The following RYK variants were observed in gnomAD, a reference collection of about 807,000 sequenced individuals.
The protein encoded by RYK is inactive tyrosine-protein kinase RYK.
A neutral mutation model predicts 70.2 loss-of-function variants in RYK; 21 were observed. That is an observed-to-expected ratio of 0.30 (90% CI 0.21 to 0.43). The LOEUF (loss-of-function observed/expected upper bound fraction) is 0.43, where lower values mean the gene tolerates loss of function less well. Ranked by LOEUF, RYK falls within the 20% of genes least tolerant of loss-of-function variation. The probability of loss-of-function intolerance (pLI) is 1.00; values close to 1 mark genes in which losing one functional copy is unlikely to be tolerated. For synonymous variants in RYK, 267 were observed against 278.0 expected, an observed-to-expected ratio of 0.96 and a Z score of 0.39; for missense variants, 604 against 753.3, an observed-to-expected ratio of 0.80 and a Z score of 2.32.
At chr3:134,244,577 G>A (rs1576539964) in intron 1 of RYK, among the ~76,000 whole-genome samples, 1 of 152,130 alleles carries the variant, frequency 6.6e-6, no homozygotes, top group African/African-American at 2.4e-5. Context: ...TGTTATGCAA[G>A]TAACAGGCTT....
chr3:134,177,445 G>A (rs2013144510), intron 11 of RYK, among the ~76,000 whole-genome samples: 3 of 152,116 alleles, frequency 2.0e-5, no homozygotes, highest in Admixed American at 2.0e-4. Flanking sequence ...TCTGACCTTT[G>A]CTTTACAGTT....
At chr3:134,159,489 G>A (rs1021096971) in intron 13 of RYK, 116 bp from the exon 14 acceptor site, 19 of 987,618 alleles carry the variant, frequency 1.9e-5, no homozygotes, top group Admixed American at 9.8e-5. Flanking sequence ...TTGGAAAAGC[G>A]AAATGTTATT....
At chr3:134,162,394 C>T (rs1390273175) in intron 13 of RYK, among the ~76,000 whole-genome samples, 1 of 152,034 alleles carries the variant, frequency 6.6e-6, no homozygotes, top group African/African-American at 2.4e-5. Context: ...CTTTTGGAAC[C>T]TATTATCTTT....
chr3:134,191,587 C>A (rs1189143393), intron 8 of RYK, among the ~76,000 whole-genome samples: 4 of 152,166 alleles, frequency 2.6e-5, no homozygotes, highest in Non-Finnish European at 4.4e-5. Context: ...AAAAACCAAA[C>A]AGAGAATACA....
intron 2 of RYK, among the ~76,000 whole-genome samples, chr3:134,215,405 GGAATAT>G (rs1299287557): frequency 6.6e-6 from 1 of 152,216 alleles, no homozygotes; most frequent in Non-Finnish European, 1.5e-5. Flanking sequence ...GCAGCTTAGA[GGAATAT>G]GAAGCATGAA....
chr3:134,207,867 A>C (rs992315050), intron 4 of RYK, among the ~76,000 whole-genome samples: 1 of 152,238 alleles, frequency 6.6e-6, no homozygotes, highest in Non-Finnish European at 1.5e-5. Flanking sequence ...TGTCTAACCC[A>C]TAATTCCCAT....
chr3:134,184,303 T>A (rs996681924), intron 9 of RYK, among the ~76,000 whole-genome samples: 4 of 152,192 alleles, frequency 2.6e-5, no homozygotes, highest in African/African-American at 9.7e-5. Flanking sequence ...AACAAAAACA[T>A]GATAATGCAA....
At chr3:134,160,270 G>C (rs765649250) in intron 13 of RYK, among the ~76,000 whole-genome samples, 1 of 152,022 alleles carries the variant, frequency 6.6e-6, no homozygotes, top group Non-Finnish European at 1.5e-5. Context: ...AATTTTACAG[G>C]TGAGAAAACT....
intron 13 of RYK, among the ~76,000 whole-genome samples, chr3:134,174,175 A>G (rs558529321): frequency 6.6e-6 from 1 of 152,328 alleles, no homozygotes; most frequent in East Asian, 1.9e-4. Context: ...CAGAGCTGAA[A>G]GAGGCAAGGA....
rs1377203966 is a variant in RYK, at chr3:134,222,595, C to T, written c.233-56G>A. On this transcript the variant is annotated intron_variant, in intron 1 of 14. Coordinates refer to ENST00000623711, the MANE Select transcript of RYK (RefSeq NM_002958.4). ...CACTTAAAATATTCTCAAAATCATC[C>T]CTATCAGTATTTCAAATACAAATAG... is the stretch of plus-strand genomic sequence containing the variant. The T allele has an allele frequency of 3.7e-6, 5 of 1,359,530 alleles. No individual in the cohort carries two copies. In the South Asian group the frequency reaches 5.2e-5, roughly 14 times the overall value. The allele number at this position is 1,359,530 out of a possible 1,614,324, so 84.2% of individuals were successfully genotyped here. A position where few individuals can be genotyped will look rare whatever the true frequency, so the allele number is the denominator to read the frequency against.
chr3:134,167,643 A>C lies in RYK; in HGVS notation c.1575+7966T>G, dbSNP rs556467960. Among the ~76,000 whole-genome samples the C allele has an allele frequency of 5.9e-5, 9 of 152,348 alleles. No homozygotes were observed. The South Asian group carries it at 1.9e-3, about 32-fold the overall frequency. ...TTAATTCAAGATGGATTAAAGACTT[A>C]AATGTCAGACCTAAAACCATAAAAA... On this transcript the variant is annotated intron_variant, in intron 13 of 14. Coordinates refer to ENST00000623711, the MANE Select transcript of RYK (RefSeq NM_002958.4).
chr3:134,223,573 AGGAG>A (rs1291589738), intron 1 of RYK, among the ~76,000 whole-genome samples: 2 of 151,786 alleles, frequency 1.3e-5, no homozygotes, highest in Non-Finnish European at 2.9e-5. Context: ...ATAAAAAGGG[AGGAG>A]GGAGGTATAA....
At chr3:134,166,572 T>C (rs562453619) in intron 13 of RYK, among the ~76,000 whole-genome samples, 5 of 152,314 alleles carry the variant, frequency 3.3e-5, no homozygotes, top group Admixed American at 6.5e-5. Flanking sequence ...GGAGCCAACA[T>C]TGGATGCTAA....
Position 134,159,317 on chromosome 3 carries a change from C to T in RYK, c.1632G>A (p.Val544=). The T allele has an allele frequency of 6.2e-7, 1 of 1,613,846 alleles. No homozygotes were observed. The change falls in exon 14 of 15, where the codon GTG becomes GTA. Residue 544 remains valine, a synonymous_variant. Coordinates refer to ENST00000623711, the MANE Select transcript of RYK (RefSeq NM_002958.4). ...CGGCCATCTCGAAGGGGTCAATGTC[C>T]ACGTAGGGAGTCTGGCCCAGAGTCA... The part of the protein sequence containing the change: ...ELMTLGQTPY[V]DIDPFEMAAY...
At chr3:134,191,648 A>G (rs12487646) in intron 8 of RYK, among the ~76,000 whole-genome samples, 14,423 of 152,276 alleles carry the variant, frequency 0.095, 1,237 homozygotes, top group South Asian at 0.33. Flanking sequence ...CTTGAAAATC[A>G]AGAACTGCAC....
At chr3:134,231,673 C>T (rs1159646127) in intron 1 of RYK, among the ~76,000 whole-genome samples, 1 of 152,150 alleles carries the variant, frequency 6.6e-6, no homozygotes, top group Admixed American at 6.5e-5. Context: ...TTCGGAAGTA[C>T]AACTTTCCCC....
At chr3:134,161,550 C>A (rs2012471675) in intron 13 of RYK, among the ~76,000 whole-genome samples, 2 of 152,112 alleles carry the variant, frequency 1.3e-5, no homozygotes, top group African/African-American at 4.8e-5. Flanking sequence ...TTAGACTGAA[C>A]AACAACAAAA....
intron 13 of RYK, among the ~76,000 whole-genome samples, chr3:134,168,975 G>A (rs2012795156): frequency 6.6e-6 from 1 of 152,114 alleles, no homozygotes; most frequent in Non-Finnish European, 1.5e-5. Context: ...ACGTAGCAAT[G>A]TGCTGCAGAT....
chr3:134,212,080 G>A (rs1050359012), intron 2 of RYK, among the ~76,000 whole-genome samples: 3 of 152,218 alleles, frequency 2.0e-5, no homozygotes, highest in Non-Finnish European at 4.4e-5. Flanking sequence ...AGATTCCAAG[G>A]TAGATTTCTC....
Sources: gnomAD v4.1 joint callset for allele counts (sites outside exome capture counted in the v4.1 genomes callset) on GRCh38, gnomAD v4.1.1 for gene constraint, MANE v1.5 for transcripts, NCBI Gene and HGNC (gene_info 2026-07-23, HGNC 2026-07-21) for gene names.